The following MS4A4A variants were observed in gnomAD, a reference collection of about 807,000 sequenced individuals.
The protein encoded by MS4A4A is membrane spanning 4-domains A4A.
MS4A4A carries 26 observed loss-of-function variants against 28.0 expected under a neutral mutation model. The observed-to-expected ratio is 0.93, with a 90% CI of 0.68 to 1.29. MS4A4A has a LOEUF of 1.29. MS4A4A is among the 50% of genes most tolerant of loss of function. The probability of loss-of-function intolerance (pLI) is 0.00; values close to 1 mark genes in which losing one functional copy is unlikely to be tolerated. For missense variants in MS4A4A, 290 were observed against 293.1 expected (o/e 0.99, Z 0.08); for synonymous variants, 86 against 100.8 (o/e 0.85, Z 0.88).
intron 1 of MS4A4A, among the ~76,000 whole-genome samples, chr11:60,285,012 T>A (rs569198961): frequency 6.6e-6 from 1 of 152,322 alleles, no homozygotes; most frequent in Non-Finnish European, 1.5e-5. Flanking sequence ...ATATTCGGCC[T>A]TCCTCAAAAT....
intron 1 of MS4A4A, among the ~76,000 whole-genome samples, chr11:60,281,786 C>T (rs1237434674): frequency 6.6e-6 from 1 of 152,124 alleles, no homozygotes; most frequent in Non-Finnish European, 1.5e-5. Flanking sequence ...GGTTTCCCCA[C>T]CTCTTTATCA....
intron 4 of MS4A4A, 122 bp from the exon 5 acceptor site, chr11:60,302,437 T>C (rs2084959952): frequency 1.0e-6 from 1 of 974,568 alleles, no homozygotes; most frequent in Admixed American, 2.7e-5. Flanking sequence ...GTTAGAAGAC[T>C]ATTGAAATAA....
chr11:60,307,529 G>C (rs979176914), intron 6 of MS4A4A, among the ~76,000 whole-genome samples: 8 of 152,144 alleles, frequency 5.3e-5, no homozygotes. Context: ...TCAGCTCTTA[G>C]CATAGGTGCT....
At chr11:60,288,230 G>A (rs1267462664) in intron 1 of MS4A4A, among the ~76,000 whole-genome samples, 1 of 152,212 alleles carries the variant, frequency 6.6e-6, no homozygotes, top group African/African-American at 2.4e-5. Context: ...CGAAAGCCAT[G>A]CCCCTACAAC....
intron 1 of MS4A4A, among the ~76,000 whole-genome samples, chr11:60,290,756 G>A (rs1438966068): frequency 6.6e-6 from 1 of 151,712 alleles, no homozygotes; most frequent in East Asian, 1.9e-4. Context: ...ATCTTTCTCT[G>A]AAATTCACCC....
chr11:60,303,932 T>C (rs1590762076), intron 5 of MS4A4A, among the ~76,000 whole-genome samples: 1 of 152,210 alleles, frequency 6.6e-6, no homozygotes, highest in East Asian at 1.9e-4. Context: ...TTTTGTGGGC[T>C]ATATAATCAC....
chr11:60,306,035 A>T (rs968850080), intron 5 of MS4A4A, 65 bp from the exon 6 acceptor site: 29 of 1,342,628 alleles, frequency 2.2e-5, no homozygotes, highest in Non-Finnish European at 3.0e-5. Flanking sequence ...CATTGTGGTT[A>T]CTGGGAAATG....
At chr11:60,293,582 G>C (rs921379487) in intron 2 of MS4A4A, among the ~76,000 whole-genome samples, 1 of 152,114 alleles carries the variant, frequency 6.6e-6, no homozygotes, top group African/African-American at 2.4e-5. Context: ...TGTTCTGTGG[G>C]TTTTAACACA....
intron 1 of MS4A4A, among the ~76,000 whole-genome samples, chr11:60,282,399 C>G (rs949214503): frequency 6.6e-6 from 1 of 152,186 alleles, no homozygotes; most frequent in African/African-American, 2.4e-5. Flanking sequence ...TTCCAAATAA[C>G]TTTGACTTTT....
At chr11:60,290,620 CTTATT>C (rs1465182440) in intron 1 of MS4A4A, among the ~76,000 whole-genome samples, 15 of 151,518 alleles carry the variant, frequency 9.9e-5, no homozygotes, top group African/African-American at 3.4e-4. Context: ...AAAAGAAATA[CTTATT>C]TTATAATTTG....
Position 60,300,994 on chromosome 11 carries a change from T to G in MS4A4A, c.331-7T>G, listed in dbSNP as rs1358498399. 38 of 1,598,708 alleles carry G rather than the reference T, an allele frequency of 2.4e-5. No individual in the cohort carries two copies. The highest frequency in any genetic ancestry group is 3.1e-5 in the Non-Finnish European group (36 of 1,172,376). ...TTTTTTACCTTCATTTTTTCTCTCA[T>G]TTTTAGTTTATTATTTCAGGATCCT... On this transcript the variant is annotated splice_polypyrimidine_tract_variant and splice_region_variant and intron_variant, in intron 3 of 6. Transcript: ENST00000337908.
chr11:60,286,976 T>G (rs1458310883), intron 1 of MS4A4A, among the ~76,000 whole-genome samples: 2 of 152,346 alleles, frequency 1.3e-5, no homozygotes, highest in East Asian at 3.9e-4. Context: ...TCTACCTTTG[T>G]GATTTAGTAA....
chr11:60,291,179 A>C (rs569262390), intron 1 of MS4A4A, among the ~76,000 whole-genome samples: 6 of 152,322 alleles, frequency 3.9e-5, no homozygotes, highest in Non-Finnish European at 8.8e-5. Context: ...ATATAAGAGT[A>C]ATATGTTTGT....
At position 60,308,820 on chromosome 11, in the gene MS4A4A, A is replaced by G. The variant is rs778214200; in HGVS notation, c.*642A>G. 4.6e-5 allele frequency: 7 copies of G among 152,220 alleles called. No homozygotes were observed. Among genetic ancestry groups the G allele is most frequent in the Non-Finnish European group, 5.9e-5 (4 of 68,044 alleles). The allele number at this position is 152,220 out of a possible 1,614,324, so 9.4% of individuals were successfully genotyped here. On this transcript the variant is annotated 3_prime_UTR_variant, in exon 7 of 7. Coordinates refer to ENST00000337908, the MANE Select transcript of MS4A4A (RefSeq NM_148975.3). ...TCATATTAAGCATCAGATTCAACTT[A>G]TATTTTCTATTTCATCTTCTTCCTT... is the stretch of plus-strand genomic sequence containing the variant.
chr11:60,295,629 C>G (rs1218560059), intron 2 of MS4A4A, among the ~76,000 whole-genome samples: 2 of 152,038 alleles, frequency 1.3e-5, no homozygotes, highest in African/African-American at 4.8e-5. Context: ...AGGTTTTTCA[C>G]AAATATTCTT....
intron 1 of MS4A4A, among the ~76,000 whole-genome samples, chr11:60,289,585 G>T (rs2084834083): frequency 1.0e-5 from 1 of 95,904 alleles, no homozygotes; most frequent in African/African-American, 4.4e-5. Context: ...GTGTGTGTGT[G>T]TGTGTGTGTA....
intron 1 of MS4A4A, among the ~76,000 whole-genome samples, chr11:60,281,313 G>A (rs1183386952): frequency 1.3e-5 from 2 of 152,114 alleles, no homozygotes; most frequent in Admixed American, 6.6e-5. Context: ...AAAACACCTT[G>A]TAGACTTTTA....
chr11:60,301,067 A>G lies in MS4A4A; in HGVS notation c.387+10A>G, dbSNP rs1427914209. Reference sequence around the variant, plus strand: ...AACTACAAAAGGCCTGGTGAGTAATATTTTCTTTTTTTGGTATCAAAAAAA... The same window carrying G: ...AACTACAAAAGGCCTGGTGAGTAATGTTTTCTTTTTTTGGTATCAAAAAAA... On this transcript the variant is annotated intron_variant, in intron 4 of 6. Transcript: ENST00000337908. 1.3e-6 allele frequency: 2 copies of G among 1,576,920 alleles called. No homozygotes were observed. Among genetic ancestry groups the G allele is most frequent in the South Asian group, 1.2e-5 (1 of 85,366 alleles).
intron 1 of MS4A4A, among the ~76,000 whole-genome samples, chr11:60,285,027 C>A (rs185202461): frequency 3.6e-4 from 55 of 152,232 alleles, no homozygotes; most frequent in Admixed American, 3.3e-3. Context: ...CAAAATTTCT[C>A]TTTCAAAAAA....
Sources: allele counts gnomAD v4.1 joint callset (sites outside exome capture counted in the v4.1 genomes callset), GRCh38; gene constraint gnomAD v4.1.1; transcripts MANE v1.5; gene names NCBI Gene and HGNC (gene_info 2026-07-23, HGNC 2026-07-21).